The following CIITA variants were observed in gnomAD, a reference collection of about 807,000 sequenced individuals.
CIITA encodes the protein MHC class II transactivator.
In CIITA, 72 loss-of-function variants were observed where a neutral mutation model predicts 115.1. The ratio of observed to expected loss-of-function variants is 0.63; its 90% CI spans 0.52 to 0.76. The LOEUF (loss-of-function observed/expected upper bound fraction) is 0.76. Ranked by LOEUF, CIITA falls within the 30% of genes least tolerant of loss-of-function variation. CIITA has a pLI of 0.00. For synonymous variants in CIITA, 763 were observed against 635.6 expected (o/e 1.20, Z -3.02); for missense variants, 1,617 against 1,463.8 (o/e 1.10, Z -1.71).
At position 10,942,274 on chromosome 16, in the gene CIITA, G is replaced by T. The variant is rs1283096059; in HGVS notation, n.1400G>T. ...CCCTGAAGTGGCCCGCGGCTGCCCGGCTCCCTCGTGGCGCCTCCCTGGCGC... is the reference window on the plus strand; with the variant it reads ...CCCTGAAGTGGCCCGCGGCTGCCCGTCTCCCTCGTGGCGCCTCCCTGGCGC... On this transcript the variant is annotated non_coding_transcript_exon_variant, in exon 2 of 2. Coordinates refer to the CIITA transcript ENST00000573379. The surrounding 1 kb of genome is among the most constrained non-coding windows in gnomAD (Gnocchi z 5.0). 3 of 330,720 alleles carry T rather than the reference G, an allele frequency of 9.1e-6. No homozygotes were observed. The highest frequency in any genetic ancestry group is 1.7e-5 in the Non-Finnish European group (3 of 181,182). 20.5% of individuals were successfully genotyped at this position (330,720 alleles called of 1,614,324 possible).
At chr16:10,908,381 G>T (rs1444211163) in intron 11 of CIITA, 1 of 665,188 alleles carries the variant, frequency 1.5e-6, no homozygotes, top group Non-Finnish European at 2.7e-6. Context: ...TTGAAGGCCC[G>T]CCATGTGCCA....
Position 10,879,302 on chromosome 16 carries a change from C to A in CIITA, c.52+1920C>A, listed in dbSNP as rs1436877585. On this transcript the variant is annotated intron_variant, in intron 1 of 19. Transcript: ENST00000324288. The surrounding 1 kb of genome is among the most constrained non-coding windows in gnomAD (Gnocchi z 4.3). ...GTGGGCGGGTGGCAGGAAAGCCTGGCGGCAGCTTCTGCAGAGAAGCCGGAG... is the reference window on the plus strand; with the variant it reads ...GTGGGCGGGTGGCAGGAAAGCCTGGAGGCAGCTTCTGCAGAGAAGCCGGAG... Among the ~76,000 whole-genome samples, 1 of 152,130 alleles carries A rather than the reference C, an allele frequency of 6.6e-6. No individual in the cohort carries two copies. The highest frequency in any genetic ancestry group is 2.1e-4 in the South Asian group (1 of 4,834).
intron 1 of CIITA, among the ~76,000 whole-genome samples, chr16:10,868,268 G>T (rs1482337621): frequency 6.6e-6 from 1 of 152,190 alleles, no homozygotes; most frequent in East Asian, 1.9e-4. Flanking sequence ...TCTGCCCAGG[G>T]GTGACGCAAC....
intron 13 of CIITA, among the ~76,000 whole-genome samples, chr16:10,911,696 C>T (rs2039595931): frequency 6.6e-6 from 1 of 152,052 alleles, no homozygotes; most frequent in African/African-American, 2.4e-5. Context: ...GCTGGGACTA[C>T]AGGCATGCCC....
rs113187797 is a variant in CIITA, at chr16:10,893,476, A to G, written c.53-1806A>G. 2.6e-3 allele frequency among the ~76,000 whole-genome samples: 391 copies of G among 152,272 alleles called. 1 individual carries two copies. Among genetic ancestry groups the G allele is most frequent in the African/African-American group, 8.6e-3 (356 of 41,560 alleles). Reference sequence around the variant, plus strand: ...ATGGAGACAATAATGCTTACTTCCTAGGTTTTAACAGCTTTATTGAGATGT... The same window carrying G: ...ATGGAGACAATAATGCTTACTTCCTGGGTTTTAACAGCTTTATTGAGATGT... On this transcript the variant is annotated intron_variant, in intron 1 of 19. Coordinates refer to ENST00000324288, the MANE Select transcript of CIITA (RefSeq NM_000246.4).
intron 1 of CIITA, chr16:10,888,171 T>A (rs1460101599): frequency 2.6e-5 from 4 of 152,246 alleles, no homozygotes; most frequent in African/African-American, 9.7e-5. Flanking sequence ...AAGCTACTGT[T>A]CATTGAGCAC....
Position 10,941,752 on chromosome 16 carries a change from G to C in CIITA, n.878G>C, listed in dbSNP as rs978451134. 7 of 1,612,278 alleles carry C rather than the reference G, an allele frequency of 4.3e-6. No individual in the cohort carries two copies. The African/African-American group carries it at 8.0e-5, about 18-fold the overall frequency. On this transcript the variant is annotated non_coding_transcript_exon_variant, in exon 2 of 2. Transcript: ENST00000573379. This position sits in a 1 kb window ranked among gnomAD's most constrained non-coding sequence, Gnocchi z 6.4. Reference sequence around the variant, plus strand: ...GTACGCATCAAAGACGTCGAGCTCCGAGTCAGCATCGTAAAGGCCCGAGCC... The same window carrying C: ...GTACGCATCAAAGACGTCGAGCTCCCAGTCAGCATCGTAAAGGCCCGAGCC...
intron 1 of CIITA, among the ~76,000 whole-genome samples, chr16:10,871,553 C>T (rs960751314): frequency 2.0e-5 from 3 of 152,164 alleles, no homozygotes; most frequent in Non-Finnish European, 4.4e-5. Context: ...TCTGGGAAGT[C>T]GCCTGATTTA....
chr16:10,896,996 A>T (rs2038195837), intron 3 of CIITA, among the ~76,000 whole-genome samples: 1 of 152,154 alleles, frequency 6.6e-6, no homozygotes, highest in African/African-American at 2.4e-5. Flanking sequence ...TCACAACTGG[A>T]GGCAGTCATT....
At chr16:10,874,058 T>C (rs2035664561), upstream of CIITA, among the ~76,000 whole-genome samples, 1 of 151,586 alleles carries the variant, frequency 6.6e-6, no homozygotes, top group Admixed American at 6.6e-5. Context: ...TCGGCTCACT[T>C]GCAACCTCCA....
Position 10,907,339 on chromosome 16 carries a change from C to T in CIITA, c.1847C>T (p.Ala616Val), listed in dbSNP as rs867155488. 1.9e-6 allele frequency: 3 copies of T among 1,613,454 alleles called. No individual in the cohort carries two copies. Among genetic ancestry groups the T allele is most frequent in the East Asian group, 2.2e-5 (1 of 44,888 alleles). ...AGCCACAGCCCTACTTTGTGCCGGGCAGTGTGCCAGCTCTCAGAGGCCCTG... is the reference window on the plus strand; with the variant it reads ...AGCCACAGCCCTACTTTGTGCCGGGTAGTGTGCCAGCTCTCAGAGGCCCTG... ...SHSHSPTLCRAVCQLSEALLE... is the reference protein window; with the variant it reads ...SHSHSPTLCRVVCQLSEALLE... The change falls in exon 11 of 20, where the codon GCA becomes GTA. Residue 616 changes from alanine to valine, a missense_variant. Transcript: ENST00000324288. The surrounding 1 kb of genome is among the most constrained non-coding windows in gnomAD (Gnocchi z 5.0).
intron 3 of CIITA, among the ~76,000 whole-genome samples, chr16:10,897,435 TC>T (rs2038245387): frequency 6.6e-6 from 1 of 152,186 alleles, no homozygotes; most frequent in African/African-American, 2.4e-5. Context: ...CCCAGTCACC[TC>T]TTAAAGGCCC....
intron 1 of CIITA, among the ~76,000 whole-genome samples, chr16:10,892,256 A>G (rs2037669943): frequency 6.6e-6 from 1 of 152,006 alleles, no homozygotes; most frequent in African/African-American, 2.4e-5. Flanking sequence ...TCCGGGAGGC[A>G]GAGGTTGCAG....
chr16:10,922,191 C>T lies in CIITA; in HGVS notation c.3174C>T (p.Asp1058=), dbSNP rs148475711. 2.4e-5 allele frequency: 39 copies of T among 1,614,084 alleles called. No homozygotes were observed. The highest frequency in any genetic ancestry group is 4.5e-5 in the East Asian group (2 of 44,890). The part of the protein sequence containing the change: ...RLSLYNNCIC[D]VGAESLARVL... Reference sequence around the variant, plus strand: ...GCTTGTACAATAACTGCATCTGCGACGTGGGAGCCGAGAGCTTGGCTCGTG... The same window carrying T: ...GCTTGTACAATAACTGCATCTGCGATGTGGGAGCCGAGAGCTTGGCTCGTG... Residue 1058 remains aspartate (D), a synonymous_variant, in exon 17 of 20, where the codon GAC becomes GAT. Transcript: ENST00000324288.
chr16:10,932,372 G>C lies in CIITA; in HGVS notation c.*8517G>C, dbSNP rs931605980. 3.9e-5 allele frequency: 6 copies of C among 152,194 alleles called. No homozygotes were observed. The highest frequency in any genetic ancestry group is 1.4e-4 in the African/African-American group (6 of 41,436). 9.4% of individuals were successfully genotyped at this position (152,194 alleles called of 1,614,324 possible). ...TATCCCTCAAAAACAACTCTAGGAGGTAGGGCCAAGTAGGACCATCATCCC... is the reference window on the plus strand; with the variant it reads ...TATCCCTCAAAAACAACTCTAGGAGCTAGGGCCAAGTAGGACCATCATCCC... On this transcript the variant is annotated 3_prime_UTR_variant, in exon 20 of 20. Transcript: ENST00000324288.
In CIITA at chr16:10,906,999, G is replaced by T; in HGVS notation, c.1507G>T (p.Glu503Ter). The T allele has an allele frequency of 6.2e-7, 1 of 1,610,320 alleles. No homozygotes were observed. Among genetic ancestry groups the T allele is most frequent in the Non-Finnish European group, 8.5e-7 (1 of 1,179,894 alleles). Residue 503 changes from glutamate (E) to a stop codon, truncating the protein, a stop_gained, in exon 11 of 20, where the codon GAG becomes TAG. Transcript: ENST00000324288. LOFTEE classifies it high-confidence loss of function. ...RVLLILDGFE[E>*]LEAQDGFLHS... The stretch of plus-strand genomic sequence containing the variant: ...TCTGCTCATCCTAGACGGCTTCGAG[G>T]AGCTGGAAGCGCAAGATGGCTTCCT...
At chr16:10,890,457 T>G (rs2144066078) in intron 1 of CIITA, among the ~76,000 whole-genome samples, 1 of 152,226 alleles carries the variant, frequency 6.6e-6, no homozygotes, top group South Asian at 2.1e-4. Flanking sequence ...CAGCTAAGTT[T>G]TGTGTTATTT....
rs746898454 is a variant in CIITA, at chr16:10,928,269, T to C, written c.*4414T>C. On this transcript the variant is annotated 3_prime_UTR_variant, in exon 20 of 20. Transcript: ENST00000324288. ...GCAAACTGGAGAGAATTACTGCTTG[T>C]ATTCCGTGAAACTACAAGCTCCCAA... 6.6e-6 allele frequency: 1 copy of C among 152,180 alleles called. No homozygotes were observed. The highest frequency in any genetic ancestry group is 1.5e-5 in the Non-Finnish European group (1 of 68,046). 9.4% of individuals were successfully genotyped at this position (152,180 alleles called of 1,614,324 possible).
At chr16:10,876,686 A>G (rs2035869959), upstream of CIITA, among the ~76,000 whole-genome samples, 1 of 152,222 alleles carries the variant, frequency 6.6e-6, no homozygotes. Context: ...CTCTTTTGGT[A>G]TAATTTATGT....
Sources: gnomAD v4.1 joint callset for allele counts (sites outside exome capture counted in the v4.1 genomes callset) on GRCh38, gnomAD v4.1.1 for gene constraint, Gnocchi (gnomAD v3.1) non-coding constraint, MANE v1.5 for transcripts, NCBI Gene and HGNC (gene_info 2026-07-23, HGNC 2026-07-21) for gene names.